Variants in ARID1B observed in about 807,000 individuals in gnomAD.
ARID1B encodes AT-rich interaction domain 1B, also known as AT-rich interactive domain-containing protein 1B.
A neutral mutation model predicts 212.3 loss-of-function variants in ARID1B; 30 were observed. The ratio of observed to expected loss-of-function variants is 0.14; its 90% CI spans 0.11 to 0.19. The LOEUF (loss-of-function observed/expected upper bound fraction) is 0.19, where lower values mean the gene tolerates loss of function less well. ARID1B is among the 10% of genes least tolerant of loss of function. The pLI is 1.00. For missense variants in ARID1B, 2,891 were observed against 3,204.0 expected (o/e 0.90, Z 2.36); for synonymous variants, 1,402 against 1,301.7 (o/e 1.08, Z -1.66).
intron 4 of ARID1B, among the ~76,000 whole-genome samples, chr6:157,012,247 A>C (rs1358958608): frequency 6.6e-6 from 1 of 152,250 alleles, no homozygotes; most frequent in Admixed American, 6.5e-5. Flanking sequence ...GGCACAGTAA[A>C]GCCAAACAAA....
At chr6:157,010,522 C>G (rs961178177) in intron 4 of ARID1B, among the ~76,000 whole-genome samples, 1 of 151,768 alleles carries the variant, frequency 6.6e-6, no homozygotes, top group African/African-American at 2.4e-5. Context: ...GGAGTTTCAC[C>G]ATGTTGGCCA....
At chr6:157,054,861 C>T (rs776690941) in intron 4 of ARID1B, among the ~76,000 whole-genome samples, 13 of 152,186 alleles carry the variant, frequency 8.5e-5, no homozygotes, top group African/African-American at 1.4e-4. Flanking sequence ...CATGGTTCAC[C>T]GCTGTCTCAG....
intron 4 of ARID1B, among the ~76,000 whole-genome samples, chr6:157,040,502 C>A (rs1424292930): frequency 6.6e-6 from 1 of 152,078 alleles, no homozygotes; most frequent in Non-Finnish European, 1.5e-5. Context: ...CCTACTAATT[C>A]TTTATACTTG....
chr6:157,142,365 C>T (rs574253234), intron 7 of ARID1B, among the ~76,000 whole-genome samples: 1 of 152,140 alleles, frequency 6.6e-6, no homozygotes, highest in African/African-American at 2.4e-5. Context: ...TTGGCTCACG[C>T]CTGTAATCAC....
chr6:156,922,115 G>T (rs1326934913), intron 3 of ARID1B, among the ~76,000 whole-genome samples: 1 of 151,786 alleles, frequency 6.6e-6, no homozygotes, highest in Non-Finnish European at 1.5e-5. Context: ...AACCCCCCAT[G>T]GTATTCATCT....
chr6:157,015,625 T>G (rs1779878567), intron 4 of ARID1B, among the ~76,000 whole-genome samples: 1 of 152,234 alleles, frequency 6.6e-6, no homozygotes, highest in Non-Finnish European at 1.5e-5. Context: ...AGAGTTATTC[T>G]AAAGGGGACC....
intron 1 of ARID1B, among the ~76,000 whole-genome samples, chr6:156,801,194 A>C (rs1171699256): frequency 7.0e-6 from 1 of 143,166 alleles, no homozygotes; most frequent in Non-Finnish European, 1.5e-5. Context: ...ATCTTGAATA[A>C]TCTTTTTTTT....
chr6:156,850,049 A>G (rs1434108206), intron 2 of ARID1B, among the ~76,000 whole-genome samples: 3 of 148,906 alleles, frequency 2.0e-5, no homozygotes, highest in Non-Finnish European at 4.4e-5. Flanking sequence ...CTTTAAGCAC[A>G]TAGTTACTAG....
Position 157,206,452 on chromosome 6 carries a change from G to A in ARID1B, c.5680G>A (p.Ala1894Thr), listed in dbSNP as rs768478175. The A allele has an allele frequency of 2.8e-5, 45 of 1,613,922 alleles. No homozygotes were observed. The highest frequency in any genetic ancestry group is 8.9e-5 in the East Asian group (4 of 44,898). Residue 1894 changes from alanine to threonine, a missense_variant, in exon 20 of 20, where the codon GCT becomes ACT. Ala to Thr is a moderately conservative substitution (Grantham distance 58). Coordinates refer to ENST00000636930, the MANE Select transcript of ARID1B (RefSeq NM_001374828.1). This position sits in a 1 kb window ranked among gnomAD's most constrained non-coding sequence, Gnocchi z 6.8. ...SSIALTAPDA[A>T]ADPKEKPKQA... ...CATCGCTCTGACTGCCCCGGACGCC[G>A]CTGCAGACCCAAAGGAGAAGCCCAA...
chr6:157,164,410 CTTCA>C (rs1465176345), intron 8 of ARID1B, among the ~76,000 whole-genome samples: 4 of 152,138 alleles, frequency 2.6e-5, no homozygotes, highest in Non-Finnish European at 4.4e-5. Context: ...TGGATGATTA[CTTCA>C]TTCAGTCATT....
At chr6:157,193,537 C>T (rs1434483406) in intron 15 of ARID1B, 3 of 152,180 alleles carry the variant, frequency 2.0e-5, no homozygotes, top group Non-Finnish European at 2.9e-5. Flanking sequence ...TGGCCGCCAT[C>T]ATCTGGGAGC....
chr6:157,180,379 A>C (rs1792420085), intron 11 of ARID1B, among the ~76,000 whole-genome samples: 1 of 149,586 alleles, frequency 6.7e-6, no homozygotes, highest in African/African-American at 2.5e-5. Flanking sequence ...AAAAAAAAAA[A>C]ACAAAAAAAA....
intron 7 of ARID1B, among the ~76,000 whole-genome samples, chr6:157,137,078 G>A (rs985611215): frequency 6.6e-6 from 1 of 152,060 alleles, no homozygotes; most frequent in East Asian, 1.9e-4. Context: ...CCACGCGGGA[G>A]GCTGACATCA....
At chr6:157,163,432 C>G (rs945406451) in intron 8 of ARID1B, among the ~76,000 whole-genome samples, 5 of 152,212 alleles carry the variant, frequency 3.3e-5, no homozygotes, top group African/African-American at 4.8e-5. Context: ...GCGTGCAGTG[C>G]GAGCCTTCTT....
At chr6:156,893,910 C>T (rs1381652324) in intron 2 of ARID1B, among the ~76,000 whole-genome samples, 1 of 152,092 alleles carries the variant, frequency 6.6e-6, no homozygotes, top group Non-Finnish European at 1.5e-5. Context: ...CATAGAATTA[C>T]CATATACTCC....
At chr6:156,970,614 T>A (rs1776860681) in intron 4 of ARID1B, among the ~76,000 whole-genome samples, 1 of 152,234 alleles carries the variant, frequency 6.6e-6, no homozygotes, top group African/African-American at 2.4e-5. Flanking sequence ...TTATGATTAG[T>A]AAACAACACT....
At chr6:157,090,738 C>T (rs1785225689) in intron 5 of ARID1B, among the ~76,000 whole-genome samples, 1 of 152,234 alleles carries the variant, frequency 6.6e-6, no homozygotes, top group Admixed American at 6.5e-5. Flanking sequence ...TACCTGCTGG[C>T]TGGCTGGGCA....
chr6:157,123,985 T>C (rs975496647), intron 6 of ARID1B, among the ~76,000 whole-genome samples: 21 of 152,176 alleles, frequency 1.4e-4, no homozygotes, highest in African/African-American at 5.1e-4. Context: ...GCAGTGGCTG[T>C]GGAGATGGAC....
At chr6:156,995,074 C>A (rs1247349045) in intron 4 of ARID1B, among the ~76,000 whole-genome samples, 1 of 152,190 alleles carries the variant, frequency 6.6e-6, no homozygotes, top group Non-Finnish European at 1.5e-5. Context: ...GGAGGACCTG[C>A]ACCTTCCTAG....
Sources: allele counts gnomAD v4.1 joint callset (sites outside exome capture counted in the v4.1 genomes callset), GRCh38; gene constraint gnomAD v4.1.1; non-coding constraint Gnocchi (gnomAD v3.1); transcripts MANE v1.5; gene names NCBI Gene and HGNC (gene_info 2026-07-23, HGNC 2026-07-21).